NOL10: variants seen among roughly 807,000 people sequenced by gnomAD.
NOL10 encodes H_NH0074G24.1.
A neutral mutation model predicts 103.5 loss-of-function variants in NOL10; 58 were observed. That is an observed-to-expected ratio of 0.56 (90% CI 0.45 to 0.70). The LOEUF (loss-of-function observed/expected upper bound fraction) is 0.70. NOL10 is among the 30% of genes least tolerant of loss of function. The pLI, the probability that NOL10 is intolerant of heterozygous loss-of-function variation, is 0.00. For missense variants in NOL10, 763 were observed against 807.3 expected (o/e 0.95, Z 0.67); for synonymous variants, 287 against 282.5 (o/e 1.02, Z -0.16).
At chr2:10,643,101 G>A (rs576348346) in intron 13 of NOL10, among the ~76,000 whole-genome samples, 88 of 152,326 alleles carry the variant, frequency 5.8e-4, no homozygotes, top group South Asian at 1.2e-3. Context: ...GAGTCCAGGG[G>A]AAAAGGAACA....
At chr2:10,656,297 C>T (rs2148311699) in intron 11 of NOL10, among the ~76,000 whole-genome samples, 1 of 152,264 alleles carries the variant, frequency 6.6e-6, no homozygotes, top group Non-Finnish European at 1.5e-5. Flanking sequence ...ATGAATCTTC[C>T]TTAAAAAAGC....
intron 19 of NOL10, among the ~76,000 whole-genome samples, chr2:10,581,704 G>A (rs1378149045): frequency 2.6e-5 from 4 of 152,104 alleles, no homozygotes; most frequent in South Asian, 2.1e-4. Context: ...GCCTGTAGTC[G>A]CAGCTACTCA....
At chr2:10,572,250 G>C in intron 20 of NOL10, 60 bp from the exon 21 acceptor site, 8 of 1,580,726 alleles carry the variant, frequency 5.1e-6, no homozygotes, top group Non-Finnish European at 6.9e-6. Flanking sequence ...CTCTTTTCTG[G>C]TAACCGTCAG....
At chr2:10,602,352 T>C (rs779964335) in intron 16 of NOL10, among the ~76,000 whole-genome samples, 8 of 152,252 alleles carry the variant, frequency 5.3e-5, no homozygotes, top group Non-Finnish European at 1.0e-4. Flanking sequence ...TTAAATTCTA[T>C]GTACTCAGAC....
intron 19 of NOL10, among the ~76,000 whole-genome samples, chr2:10,579,526 A>G (rs1446893528): frequency 6.6e-6 from 1 of 151,364 alleles, no homozygotes; most frequent in East Asian, 1.9e-4. Flanking sequence ...AAGCTTCCAC[A>G]TGACAAACGG....
intron 13 of NOL10, among the ~76,000 whole-genome samples, chr2:10,617,945 G>A (rs1676916869): frequency 6.6e-6 from 1 of 151,818 alleles, no homozygotes; most frequent in Non-Finnish European, 1.5e-5. Context: ...GGAGAAGGAA[G>A]AAAAACTGGC....
rs541139198 is a variant in NOL10, at chr2:10,579,783, T to TA, written c.1845-2046dup. On this transcript the variant is annotated intron_variant, in intron 19 of 20. Coordinates refer to ENST00000381685, the MANE Select transcript of NOL10 (RefSeq NM_024894.4). ...CTTTCTTAATAAACTTGCTTTCACTTAAAAAAAAAAGTTAACAGGAATTCT... is the reference window on the plus strand; with the variant it reads ...CTTTCTTAATAAACTTGCTTTCACTTAAAAAAAAAAAGTTAACAGGAATTCT... Among the ~76,000 whole-genome samples, 399 of 148,044 alleles carry TA rather than the reference T, an allele frequency of 2.7e-3. 1 individual carries two copies. The highest frequency in any genetic ancestry group is 3.9e-3 in the Non-Finnish European group (263 of 66,650).
intron 12 of NOL10, among the ~76,000 whole-genome samples, chr2:10,652,491 A>G (rs1286274107): frequency 6.6e-6 from 1 of 152,120 alleles, no homozygotes; most frequent in Non-Finnish European, 1.5e-5. Context: ...TCCATCATCC[A>G]GATTGATAAC....
At chr2:10,623,739 C>A (rs1381779968) in intron 13 of NOL10, among the ~76,000 whole-genome samples, 1 of 152,210 alleles carries the variant, frequency 6.6e-6, no homozygotes, top group East Asian at 1.9e-4. Flanking sequence ...CTAATTAACA[C>A]AACTATCTAG....
At chr2:10,596,622 C>G (rs1675708715) in intron 17 of NOL10, among the ~76,000 whole-genome samples, 1 of 152,128 alleles carries the variant, frequency 6.6e-6, no homozygotes, top group Non-Finnish European at 1.5e-5. Flanking sequence ...GCTGTAAATA[C>G]AGATGAAGCT....
chr2:10,665,126 G>A (rs979524384), intron 8 of NOL10, among the ~76,000 whole-genome samples: 1 of 152,188 alleles, frequency 6.6e-6, no homozygotes, highest in Non-Finnish European at 1.5e-5. Flanking sequence ...AAGTAGGTAT[G>A]TTGCAAAGAT....
chr2:10,651,763 G>T (rs1679480015), intron 12 of NOL10, among the ~76,000 whole-genome samples: 1 of 151,978 alleles, frequency 6.6e-6, no homozygotes, highest in African/African-American at 2.4e-5. Context: ...CCGAGACCCT[G>T]GTGTAGGTCA....
At position 10,657,902 on chromosome 2, in the gene NOL10, A is replaced by C. The variant is rs1446130478; in HGVS notation, c.757-11T>G. The C allele has an allele frequency of 6.6e-7, 1 of 1,504,576 alleles. No individual in the cohort carries two copies. Among genetic ancestry groups the C allele is most frequent in the Non-Finnish European group, 8.9e-7 (1 of 1,124,400 alleles). The allele number at this position is 1,504,576 out of a possible 1,614,324, so 93.2% of individuals were successfully genotyped here. ...GTCATATAATAAAACCTGAAAAAAAATTATTTCTGTTTAAACAAACTAGAC... is the reference window on the plus strand; with the variant it reads ...GTCATATAATAAAACCTGAAAAAAACTTATTTCTGTTTAAACAAACTAGAC... On this transcript the variant is annotated splice_polypyrimidine_tract_variant and intron_variant, in intron 10 of 20. Coordinates refer to ENST00000381685, the MANE Select transcript of NOL10 (RefSeq NM_024894.4).
intron 17 of NOL10, among the ~76,000 whole-genome samples, chr2:10,598,799 A>G (rs1001420405): frequency 8.3e-5 from 8 of 96,306 alleles, no homozygotes; most frequent in Non-Finnish European, 1.2e-4. Context: ...GACAAAAGAA[A>G]TAAAAGAAAG....
intron 20 of NOL10, among the ~76,000 whole-genome samples, chr2:10,575,278 A>G (rs1302935770): frequency 6.6e-6 from 1 of 152,238 alleles, no homozygotes; most frequent in Non-Finnish European, 1.5e-5. Flanking sequence ...TTCTCTCTTC[A>G]ATTTTATTGA....
At position 10,675,192 on chromosome 2, in the gene NOL10, T is replaced by C. The variant is rs552138096; in HGVS notation, c.289+602A>G. ...CACTCCAGCCTGGGCAACAAGACCCTATCTCTTTAAAAAAGTAATAAATAA... is the reference window on the plus strand; with the variant it reads ...CACTCCAGCCTGGGCAACAAGACCCCATCTCTTTAAAAAAGTAATAAATAA... On this transcript the variant is annotated intron_variant, in intron 4 of 20. Transcript: ENST00000381685. Among the ~76,000 whole-genome samples, 17 of 150,536 alleles carry C rather than the reference T, an allele frequency of 1.1e-4. No homozygotes were observed. In the East Asian group the frequency reaches 3.1e-3, roughly 27 times the overall value.
chr2:10,656,120 G>A (rs1383046540), intron 11 of NOL10, among the ~76,000 whole-genome samples: 1 of 152,200 alleles, frequency 6.6e-6, no homozygotes, highest in Non-Finnish European at 1.5e-5. Context: ...TTTCCCTTTG[G>A]TTGGATGAAA....
At chr2:10,661,617 A>G (rs535470896) in intron 9 of NOL10, among the ~76,000 whole-genome samples, 1 of 151,454 alleles carries the variant, frequency 6.6e-6, no homozygotes, top group East Asian at 2.0e-4. Flanking sequence ...GTGATCCTCC[A>G]GCTTCGGCCT....
At chr2:10,594,210 T>C (rs182984762) in intron 17 of NOL10, among the ~76,000 whole-genome samples, 275 of 152,260 alleles carry the variant, frequency 1.8e-3, no homozygotes, top group African/African-American at 6.5e-3. Flanking sequence ...TACACTGTTA[T>C]TTTAGAGAAA....
Sources: allele counts gnomAD v4.1 joint callset (sites outside exome capture counted in the v4.1 genomes callset), GRCh38; gene constraint gnomAD v4.1.1; transcripts MANE v1.5; gene names NCBI Gene and HGNC (gene_info 2026-07-23, HGNC 2026-07-21).